FGF10: variants seen among roughly 807,000 people sequenced by gnomAD.
The protein encoded by FGF10 is FGF-10.
In FGF10, 2 loss-of-function variants were observed where a neutral mutation model predicts 19.8. The observed-to-expected ratio is 0.10, with a 90% CI of 0.04 to 0.32. The LOEUF is 0.32. FGF10 is among the 10% of genes least tolerant of loss of function. The probability of loss-of-function intolerance (pLI) is 1.00; values close to 1 mark genes in which losing one functional copy is unlikely to be tolerated. For synonymous variants in FGF10, 112 were observed against 94.0 expected (o/e 1.19, Z -1.10); for missense variants, 191 against 246.3 (o/e 0.78, Z 1.50).
chr5:44,369,464 G>C (rs2111880097), intron 1 of FGF10, among the ~76,000 whole-genome samples: 1 of 152,166 alleles, frequency 6.6e-6, no homozygotes, highest in South Asian at 2.1e-4. Context: ...ATAAATTCCT[G>C]TGGCTTAAAA....
intron 1 of FGF10, among the ~76,000 whole-genome samples, chr5:44,324,125 A>AC (rs754039748): frequency 5.3e-5 from 8 of 152,106 alleles, no homozygotes; most frequent in Non-Finnish European, 1.0e-4. Context: ...ATAGATTAAA[A>AC]CTACTATGTA....
intron 1 of FGF10, among the ~76,000 whole-genome samples, chr5:44,343,154 AT>A (rs34693085): frequency 6.6e-6 from 1 of 152,012 alleles, no homozygotes. Flanking sequence ...TACTTAAAAA[AT>A]TTTTTTGAAT....
intron 1 of FGF10, among the ~76,000 whole-genome samples, chr5:44,318,106 CACTT>C (rs370426551): frequency 2.6e-5 from 4 of 152,166 alleles, no homozygotes; most frequent in African/African-American, 9.6e-5. Context: ...CTACTGGAAA[CACTT>C]ACATGTTTGA....
intron 1 of FGF10, among the ~76,000 whole-genome samples, chr5:44,331,890 T>C (rs574091917): frequency 1.3e-5 from 2 of 152,226 alleles, no homozygotes; most frequent in African/African-American, 4.8e-5. Flanking sequence ...TAGTGATTGG[T>C]TGATATTTAA....
At chr5:44,326,895 C>T (rs373332745) in intron 1 of FGF10, among the ~76,000 whole-genome samples, 1 of 152,216 alleles carries the variant, frequency 6.6e-6, no homozygotes, top group South Asian at 2.1e-4. Flanking sequence ...AAGAAGTGCT[C>T]GGTGTTCTTT....
intron 1 of FGF10, among the ~76,000 whole-genome samples, chr5:44,326,703 A>C (rs1228440436): frequency 1.3e-5 from 2 of 152,018 alleles, no homozygotes; most frequent in East Asian, 3.9e-4. Context: ...TATTGAAAGC[A>C]TACTTCTTTC....
chr5:44,338,325 A>G (rs7710603), intron 1 of FGF10, among the ~76,000 whole-genome samples: 149,573 of 152,316 alleles, frequency 0.98, 73,509 homozygotes, highest in East Asian at 1. Flanking sequence ...TCTACAACCA[A>G]TATTTAGTAC....
chr5:44,327,965 A>G (rs781595056), intron 1 of FGF10, among the ~76,000 whole-genome samples: 10 of 152,176 alleles, frequency 6.6e-5, no homozygotes, highest in Non-Finnish European at 1.0e-4. Context: ...GTTAAGATTG[A>G]TTTTCAAAAG....
At chr5:44,386,958 T>C (rs890856812) in intron 1 of FGF10, among the ~76,000 whole-genome samples, 4 of 152,216 alleles carry the variant, frequency 2.6e-5, no homozygotes, top group Non-Finnish European at 5.9e-5. Flanking sequence ...CAAGGAATCT[T>C]GAAATGTTTG....
At chr5:44,383,242 G>T (rs984576012) in intron 1 of FGF10, among the ~76,000 whole-genome samples, 1 of 151,968 alleles carries the variant, frequency 6.6e-6, no homozygotes, top group African/African-American at 2.4e-5. Context: ...GAAATTTAAA[G>T]TGTTCATTCA....
chr5:44,373,340 C>G (rs1005408836), intron 1 of FGF10, among the ~76,000 whole-genome samples: 4 of 152,152 alleles, frequency 2.6e-5, no homozygotes, highest in Non-Finnish European at 5.9e-5. Flanking sequence ...CAGTGAATCT[C>G]CCAACTTAGC....
chr5:44,370,032 C>A (rs760410130), intron 1 of FGF10, among the ~76,000 whole-genome samples: 1 of 152,044 alleles, frequency 6.6e-6, no homozygotes, highest in African/African-American at 2.4e-5. Flanking sequence ...CCTCCTCCAC[C>A]GCCAACTGTG....
At chr5:44,312,189 C>T (rs1270358507) in intron 1 of FGF10, among the ~76,000 whole-genome samples, 1 of 83,336 alleles carries the variant, frequency 1.2e-5, no homozygotes, top group Non-Finnish European at 2.6e-5. Flanking sequence ...GGTAGTTTCC[C>T]TAAGGTACAC....
At chr5:44,322,616 C>T (rs1037086453) in intron 1 of FGF10, among the ~76,000 whole-genome samples, 2 of 152,116 alleles carry the variant, frequency 1.3e-5, no homozygotes, top group Non-Finnish European at 2.9e-5. Context: ...GAGACAACTT[C>T]AAATCTCCAT....
intron 1 of FGF10, among the ~76,000 whole-genome samples, chr5:44,375,292 T>C (rs1001757322): frequency 1.1e-4 from 16 of 152,306 alleles, no homozygotes; most frequent in African/African-American, 3.8e-4. Context: ...TGGTATTGCA[T>C]TATAATGCTA....
chr5:44,305,308 C>A, intron 2 of FGF10, 116 bp from the exon 3 acceptor site: 1 of 859,650 alleles, frequency 1.2e-6, no homozygotes, highest in South Asian at 1.4e-5. Context: ...CCATTTGTAC[C>A]TAAGTTGTGC....
At chr5:44,383,025 A>G (rs984933945) in intron 1 of FGF10, among the ~76,000 whole-genome samples, 4 of 152,110 alleles carry the variant, frequency 2.6e-5, no homozygotes, top group African/African-American at 9.7e-5. Flanking sequence ...ATAATAAAGA[A>G]ATATCATTTG....
At chr5:44,333,664 A>G (rs1740786966) in intron 1 of FGF10, among the ~76,000 whole-genome samples, 1 of 152,114 alleles carries the variant, frequency 6.6e-6, no homozygotes, top group African/African-American at 2.4e-5. Context: ...TAACCACTGG[A>G]TTGTGTTGCA....
At chr5:44,379,052 C>T (rs139644568) in intron 1 of FGF10, among the ~76,000 whole-genome samples, 4 of 152,202 alleles carry the variant, frequency 2.6e-5, no homozygotes, top group African/African-American at 9.6e-5. Context: ...CTTCTCACCT[C>T]TTCAAAAGGC....
Sources: gnomAD v4.1 joint callset for allele counts (sites outside exome capture counted in the v4.1 genomes callset) on GRCh38, gnomAD v4.1.1 for gene constraint, MANE v1.5 for transcripts, NCBI Gene and HGNC (gene_info 2026-07-23, HGNC 2026-07-21) for gene names.